PAPPA2: variants seen among roughly 807,000 people sequenced by gnomAD.
The protein encoded by PAPPA2 is pappalysin 2, also known as pappalysin-2.
Under a neutral mutation model 176.4 loss-of-function variants are expected in PAPPA2, and 86 were observed. The observed-to-expected ratio is 0.49, with a 90% confidence interval of 0.41 to 0.58. PAPPA2 has a LOEUF of 0.58. Among genes scored for constraint, PAPPA2 ranks in the 20% least tolerant of loss-of-function variants. PAPPA2 has a pLI of 0.00. For synonymous variants in PAPPA2, 809 were observed against 852.2 expected (o/e 0.95, Z 0.88); for missense variants, 2,073 against 2,256.9 (o/e 0.92, Z 1.65).
chr1:176,581,787 G>T (rs1652979735), intron 2 of PAPPA2, among the ~76,000 whole-genome samples: 1 of 150,910 alleles, frequency 6.6e-6, no homozygotes, highest in African/African-American at 2.4e-5. Context: ...AAATGTTACT[G>T]ATTTTGGTAT....
Position 176,523,765 on chromosome 1 carries a change from C to T in PAPPA2, c.-916-31642C>T, listed in dbSNP as rs375786705. 3.9e-5 allele frequency among the ~76,000 whole-genome samples: 6 copies of T among 152,300 alleles called. 1 individual carries two copies. On this transcript the variant is annotated intron_variant, in intron 1 of 22. Transcript: ENST00000367662. ...AGAAGAAATAAAACAATTATACCTA[C>T]CCCATTTAGCAAAGTTGATGCCCCT...
At chr1:176,578,088 C>T (rs985991343) in intron 2 of PAPPA2, among the ~76,000 whole-genome samples, 54 of 152,236 alleles carry the variant, frequency 3.5e-4, no homozygotes, top group African/African-American at 1.3e-3. Context: ...GTGTCTGTGC[C>T]AAGAGCAGCA....
intron 21 of PAPPA2, among the ~76,000 whole-genome samples, chr1:176,822,178 A>G (rs1052026483): frequency 3.3e-5 from 5 of 152,300 alleles, no homozygotes; most frequent in African/African-American, 9.6e-5. Context: ...TAAAACCACT[A>G]CTGGGAGAGT....
At chr1:176,623,532 T>C (rs1655711618) in intron 3 of PAPPA2, among the ~76,000 whole-genome samples, 2 of 151,906 alleles carry the variant, frequency 1.3e-5, no homozygotes, top group Non-Finnish European at 2.9e-5. Flanking sequence ...AGTGAAGACA[T>C]CCCTCCTGGA....
At chr1:176,835,869 G>A (rs1182811731) in intron 21 of PAPPA2, among the ~76,000 whole-genome samples, 1 of 152,122 alleles carries the variant, frequency 6.6e-6, no homozygotes, top group East Asian at 1.9e-4. Context: ...AGAGGTCCCT[G>A]AGGGGCCCTA....
At chr1:176,754,404 A>G (rs1454108042) in intron 14 of PAPPA2, among the ~76,000 whole-genome samples, 1 of 152,264 alleles carries the variant, frequency 6.6e-6, no homozygotes, top group Non-Finnish European at 1.5e-5. Flanking sequence ...CCTCTTTAAA[A>G]TAGTAAATAA....
At chr1:176,554,831 T>G (rs912065767) in intron 1 of PAPPA2, among the ~76,000 whole-genome samples, 2 of 152,200 alleles carry the variant, frequency 1.3e-5, no homozygotes, top group African/African-American at 4.8e-5. Context: ...ATTTAAGATA[T>G]TGTTCTTTTA....
At chr1:176,764,596 C>CT (rs1214683318) in intron 14 of PAPPA2, among the ~76,000 whole-genome samples, 2,447 of 136,078 alleles carry the variant, frequency 0.018, 50 homozygotes, top group African/African-American at 0.041. Context: ...CCAGTGTATT[C>CT]TTTTTTTTTT....
chr1:176,497,047 G>A (rs1647671413), intron 1 of PAPPA2, among the ~76,000 whole-genome samples: 1 of 152,064 alleles, frequency 6.6e-6, no homozygotes, highest in Non-Finnish European at 1.5e-5. Context: ...CCATTGCCAG[G>A]ACCTGTGACA....
chr1:176,524,958 C>T (rs906019998), intron 1 of PAPPA2, among the ~76,000 whole-genome samples: 3 of 152,082 alleles, frequency 2.0e-5, no homozygotes, highest in Non-Finnish European at 4.4e-5. Flanking sequence ...AGGAGAATAG[C>T]GTGAATCTGG....
chr1:176,513,062 A>C (rs1049639565), intron 1 of PAPPA2, among the ~76,000 whole-genome samples: 1 of 152,200 alleles, frequency 6.6e-6, no homozygotes, highest in African/African-American at 2.4e-5. Flanking sequence ...CAAGGCCTTC[A>C]GACTTGAACT....
At chr1:176,617,559 A>T (rs1488507800) in intron 3 of PAPPA2, among the ~76,000 whole-genome samples, 1 of 151,984 alleles carries the variant, frequency 6.6e-6, no homozygotes, top group Non-Finnish European at 1.5e-5. Flanking sequence ...GAGTTACTTC[A>T]CTTAGAATAA....
rs892970979 is a variant in PAPPA2 at position 176,600,412 on chromosome 1, C to T, written c.1991+4817C>T. On this transcript the variant is annotated intron_variant, in intron 3 of 22. Transcript: ENST00000367662. ...CAGAGCTCGGCCGGGCGCGGTGGCT[C>T]ACGCCTGTAATCCCAGCACTTTGGG... Among the ~76,000 whole-genome samples the T allele has an allele frequency of 4.6e-5, 7 of 152,106 alleles. No individual in the cohort carries two copies. The South Asian group carries it at 1.5e-3, about 32-fold the overall frequency.
chr1:176,602,583 A>G (rs543889997), intron 3 of PAPPA2, among the ~76,000 whole-genome samples: 4 of 152,298 alleles, frequency 2.6e-5, no homozygotes, highest in African/African-American at 9.6e-5. Flanking sequence ...AGGCTTCATT[A>G]TAGGTTTCTT....
intron 14 of PAPPA2, among the ~76,000 whole-genome samples, chr1:176,764,385 A>G (rs1218754050): frequency 6.6e-6 from 1 of 152,232 alleles, no homozygotes; most frequent in Non-Finnish European, 1.5e-5. Flanking sequence ...CAGTAGAGGA[A>G]TAACAACTCT....
At chr1:176,774,704 A>C (rs997743846) in intron 17 of PAPPA2, among the ~76,000 whole-genome samples, 1 of 152,114 alleles carries the variant, frequency 6.6e-6, no homozygotes, top group African/African-American at 2.4e-5. Flanking sequence ...AAAAAACTCA[A>C]ATCCAATTAT....
chr1:176,672,056 T>TATA (rs1024338414), intron 4 of PAPPA2, among the ~76,000 whole-genome samples: 122 of 150,818 alleles, frequency 8.1e-4, no homozygotes, highest in African/African-American at 2.9e-3. Flanking sequence ...AAACTTAAAG[T>TATA]ATAATAATAA....
chr1:176,816,408 C>A (rs1666407071), intron 21 of PAPPA2, among the ~76,000 whole-genome samples: 1 of 150,748 alleles, frequency 6.6e-6, no homozygotes, highest in Non-Finnish European at 1.5e-5. Flanking sequence ...CACACGCATA[C>A]ACACTCCTGC....
intron 17 of PAPPA2, among the ~76,000 whole-genome samples, chr1:176,774,561 G>C (rs559993039): frequency 6.6e-6 from 1 of 152,046 alleles, no homozygotes; most frequent in Admixed American, 6.6e-5. Context: ...ACTCAGATAT[G>C]CTTGTTTCTC....
Sources: gnomAD v4.1 joint callset for allele counts (sites outside exome capture counted in the v4.1 genomes callset) on GRCh38, gnomAD v4.1.1 for gene constraint, MANE v1.5 for transcripts, NCBI Gene and HGNC (gene_info 2026-07-23, HGNC 2026-07-21) for gene names.